Variants in GABRA5 observed in about 807,000 individuals in gnomAD.
GABRA5 encodes gamma-aminobutyric acid type A receptor subunit alpha5, also known as gamma-aminobutyric acid receptor subunit alpha-5.
GABRA5 carries 18 observed loss-of-function variants against 47.3 expected under a neutral mutation model. The ratio of observed to expected loss-of-function variants is 0.38; its 90% confidence interval spans 0.26 to 0.56. The LOEUF (loss-of-function observed/expected upper bound fraction) is 0.56, where lower values mean the gene tolerates loss of function less well. GABRA5 is among the 20% of genes least tolerant of loss of function. The pLI is 0.71. For synonymous variants in GABRA5, 237 were observed against 229.3 expected, an observed-to-expected ratio of 1.03 and a Z score of -0.30; for missense variants, 365 against 599.3, an observed-to-expected ratio of 0.61 and a Z score of 4.08.
At position 26,908,882 on chromosome 15, in the gene GABRA5, G is replaced by T. The variant is rs146654216; in HGVS notation, c.498-5921G>T. Among the ~76,000 whole-genome samples the T allele has an allele frequency of 3.4e-3, 515 of 152,274 alleles. 1 individual carries two copies. The highest frequency in any genetic ancestry group is 0.01 in the Middle Eastern group (3 of 294). ...CATGATGTGAGCTACTTACAAATTG[G>T]CTAATATTACTAAATTTATTTGTCA... On this transcript the variant is annotated intron_variant, in intron 6 of 10. Transcript: ENST00000335625.
chr15:26,932,956 C>G (rs12906491), intron 7 of GABRA5, among the ~76,000 whole-genome samples: 124,975 of 151,994 alleles, frequency 0.82, 51,427 homozygotes, highest in Middle Eastern at 0.87. Flanking sequence ...TGGGGTAGTG[C>G]GGGGAGGGAG....
chr15:26,872,851 T>C (rs1892505507), intron 3 of GABRA5, among the ~76,000 whole-genome samples: 1 of 152,224 alleles, frequency 6.6e-6, no homozygotes, highest in Non-Finnish European at 1.5e-5. Context: ...GGAAAATTTA[T>C]AGATGTGATA....
chr15:26,902,043 T>G (rs1024261204), intron 6 of GABRA5, among the ~76,000 whole-genome samples: 1 of 152,112 alleles, frequency 6.6e-6, no homozygotes, highest in African/African-American at 2.4e-5. Context: ...CTGTCTTGAT[T>G]ACTATAGCTT....
intron 8 of GABRA5, among the ~76,000 whole-genome samples, chr15:26,938,009 C>T (rs1894288291): frequency 6.6e-6 from 1 of 152,202 alleles, no homozygotes; most frequent in Non-Finnish European, 1.5e-5. Flanking sequence ...CCTCTGCAGC[C>T]TTGGAGAAAA....
intron 6 of GABRA5, among the ~76,000 whole-genome samples, chr15:26,896,193 G>C (rs1893190217): frequency 6.6e-6 from 1 of 152,168 alleles, no homozygotes; most frequent in Non-Finnish European, 1.5e-5. Context: ...GTGTGTTCCT[G>C]TTGTCTCCAA....
intron 7 of GABRA5, among the ~76,000 whole-genome samples, chr15:26,931,339 G>C (rs1315501008): frequency 1.3e-5 from 2 of 152,116 alleles, no homozygotes; most frequent in South Asian, 2.1e-4. Context: ...TTGATATCTG[G>C]TCAGGGTCTG....
chr15:26,890,942 G>A (rs547295147), intron 6 of GABRA5, among the ~76,000 whole-genome samples: 17 of 152,256 alleles, frequency 1.1e-4, no homozygotes, highest in Non-Finnish European at 2.1e-4. Context: ...CTGGTTCACA[G>A]ACATGTTCTG....
At chr15:26,895,210 C>T (rs1893152822) in intron 6 of GABRA5, among the ~76,000 whole-genome samples, 1 of 152,042 alleles carries the variant, frequency 6.6e-6, no homozygotes, top group African/African-American at 2.4e-5. Context: ...CCCCCCACCT[C>T]ATAGATGGCT....
intron 9 of GABRA5, among the ~76,000 whole-genome samples, chr15:26,940,533 G>A (rs148967866): frequency 1.3e-5 from 2 of 148,578 alleles, no homozygotes; most frequent in East Asian, 1.9e-4. Flanking sequence ...TGAGCATTAC[G>A]TCGGTGCCCA....
chr15:26,889,888 T>G (rs1335604669), intron 6 of GABRA5, among the ~76,000 whole-genome samples: 1 of 152,260 alleles, frequency 6.6e-6, no homozygotes. Context: ...TAGACATTCA[T>G]GAATACATAT....
At chr15:26,932,572 C>G (rs889970222) in intron 7 of GABRA5, among the ~76,000 whole-genome samples, 1 of 152,150 alleles carries the variant, frequency 6.6e-6, no homozygotes, top group African/African-American at 2.4e-5. Context: ...CCTCAAAGAC[C>G]TAGAACCAGA....
At chr15:26,928,559 G>C (rs1436101374) in intron 7 of GABRA5, among the ~76,000 whole-genome samples, 5 of 152,056 alleles carry the variant, frequency 3.3e-5, no homozygotes, top group African/African-American at 4.8e-5. Flanking sequence ...ACGTGAGGGT[G>C]GGGGGTCCTC....
At chr15:26,936,886 A>G (rs1894255545) in intron 7 of GABRA5, among the ~76,000 whole-genome samples, 1 of 152,086 alleles carries the variant, frequency 6.6e-6, no homozygotes, top group African/African-American at 2.4e-5. Context: ...GGACCCAGGC[A>G]CTCTGGTCTC....
intron 6 of GABRA5, among the ~76,000 whole-genome samples, chr15:26,902,326 C>G (rs1893346964): frequency 1.3e-5 from 2 of 151,892 alleles, no homozygotes; most frequent in African/African-American, 2.4e-5. Context: ...TTAGAGTTTT[C>G]TTGTTTTTCC....
chr15:26,930,162 G>A lies in GABRA5; in HGVS notation c.581-7023G>A, dbSNP rs186915202. ...CGAGTAGCTGGGATTACAGGTGCCC[G>A]CCACTACGCCTGGCTAATTTTTGTA... On this transcript the variant is annotated intron_variant, in intron 7 of 10. Transcript: ENST00000335625. Among the ~76,000 whole-genome samples, 625 of 151,968 alleles carry A rather than the reference G, an allele frequency of 4.1e-3. 6 individuals carry two copies. Among genetic ancestry groups the A allele is most frequent in the African/African-American group, 0.014 (599 of 41,446 alleles).
chr15:26,882,074 C>T (rs1892742828), intron 4 of GABRA5, among the ~76,000 whole-genome samples: 1 of 152,208 alleles, frequency 6.6e-6, no homozygotes, highest in South Asian at 2.1e-4. Flanking sequence ...GCACAGGCTC[C>T]TTAACAGTCT....
At chr15:26,931,022 A>C (rs1284637115) in intron 7 of GABRA5, among the ~76,000 whole-genome samples, 1 of 150,356 alleles carries the variant, frequency 6.7e-6, no homozygotes, top group Non-Finnish European at 1.5e-5. Context: ...CAGCCTCCTG[A>C]GTAGCTGGGA....
intron 7 of GABRA5, among the ~76,000 whole-genome samples, chr15:26,930,895 C>CTTTTTTTTTTTTTTTTTTTTTTT (rs555799476): frequency 2.6e-5 from 3 of 115,036 alleles, no homozygotes; most frequent in East Asian, 2.4e-4. Flanking sequence ...TCTTTCTTTT[C>CTTTTTTTTTTTTTTTTTTTTTTT]TTTTTTTTTT....
At chr15:26,944,486 TGAAG>T (rs896455084) in intron 10 of GABRA5, among the ~76,000 whole-genome samples, 1 of 151,912 alleles carries the variant, frequency 6.6e-6, no homozygotes, top group African/African-American at 2.4e-5. Flanking sequence ...GGTGCTCTCA[TGAAG>T]GGAGGAAAGG....
Sources: gnomAD v4.1 joint callset for allele counts (sites outside exome capture counted in the v4.1 genomes callset) on GRCh38, gnomAD v4.1.1 for gene constraint, MANE v1.5 for transcripts, NCBI Gene and HGNC (gene_info 2026-07-23, HGNC 2026-07-21) for gene names.